The following IL17RD variants were observed in gnomAD, a reference collection of about 807,000 sequenced individuals.
IL17RD encodes the protein interleukin 17 receptor D.
In IL17RD, 52 loss-of-function variants were observed where a neutral mutation model predicts 80.5. The observed-to-expected ratio is 0.65, with a 90% CI of 0.52 to 0.81. IL17RD has a LOEUF of 0.81. Among genes scored for constraint, IL17RD ranks in the 40% least tolerant of loss-of-function variants. The pLI is 0.00. For synonymous variants in IL17RD, 416 were observed against 391.8 expected (o/e 1.06, Z -0.73); for missense variants, 1,024 against 955.1 (o/e 1.07, Z -0.95).
At chr3:57,105,621 T>C (rs548715864) in intron 7 of IL17RD, among the ~76,000 whole-genome samples, 214 of 150,620 alleles carry the variant, frequency 1.4e-3, no homozygotes, top group Middle Eastern at 3.4e-3. Flanking sequence ...GTTTATTCCT[T>C]GGCAATACTG....
At position 57,112,142 on chromosome 3, in the gene IL17RD, T is replaced by C. The variant is rs529249158; in HGVS notation, c.311-1831A>G. Among the ~76,000 whole-genome samples the C allele has an allele frequency of 4.6e-4, 70 of 152,268 alleles. No individual in the cohort carries two copies. In the South Asian group the frequency reaches 7.2e-3, roughly 16 times the overall value. On this transcript the variant is annotated intron_variant, in intron 3 of 12. Transcript: ENST00000296318. Reference sequence around the variant, plus strand: ...GACACATTACAGTACTATTAACACCTTGTAGTTATGTAATGATTAGTAATT... The same window carrying C: ...GACACATTACAGTACTATTAACACCCTGTAGTTATGTAATGATTAGTAATT...
chr3:57,163,962 G>A (rs933413230), intron 1 of IL17RD, among the ~76,000 whole-genome samples: 1 of 152,158 alleles, frequency 6.6e-6, no homozygotes, highest in Non-Finnish European at 1.5e-5. Context: ...CAGCCTGCGT[G>A]CCTAAGGGAG....
chr3:57,104,246 C>T, intron 8 of IL17RD, 96 bp downstream of exon 8: 1 of 832,254 alleles, frequency 1.2e-6, no homozygotes, highest in Middle Eastern at 2.3e-4. Context: ...TGCACACCTT[C>T]AATAGCTTGA....
chr3:57,139,189 C>T (rs755989970), intron 1 of IL17RD, among the ~76,000 whole-genome samples: 1 of 151,880 alleles, frequency 6.6e-6, no homozygotes, highest in Non-Finnish European at 1.5e-5. Context: ...AAAAAAATAA[C>T]AAAAAGCCAG....
chr3:57,127,253 A>AT lies in IL17RD; in HGVS notation c.127-6941_127-6940insA, dbSNP rs1480120455. ...ATAAAAATATATAAATATATATATAAATATATATAAATATATATAAAAATA... is the reference window on the plus strand; with the variant it reads ...ATAAAAATATATAAATATATATATAATATATATATAAATATATATAAAAATA... On this transcript the variant is annotated intron_variant, in intron 1 of 12. Transcript: ENST00000296318. Among the ~76,000 whole-genome samples the AT allele has an allele frequency of 1.7e-3, 168 of 98,578 alleles. 5 individuals carry two copies. The highest frequency in any genetic ancestry group is 7.0e-3 in the African/African-American group (150 of 21,496). 64.7% of individuals were successfully genotyped at this position (98,578 alleles called of 152,430 possible).
rs775701160 is a variant in IL17RD, at chr3:57,105,900, T to C, written c.704A>G (p.Lys235Arg). The C allele has an allele frequency of 6.2e-7, 1 of 1,613,938 alleles. No homozygotes were observed. The highest frequency in any genetic ancestry group is 8.5e-7 in the Non-Finnish European group (1 of 1,179,880). Reference sequence around the variant, plus strand: ...CTTGAAAGGTCCTTCGTGCTTGAGCTTGTAGTGAAGATAGAAGAAACGGAA... The same window carrying C: ...CTTGAAAGGTCCTTCGTGCTTGAGCCTGTAGTGAAGATAGAAGAAACGGAA... ...FGFRFFYLHY[K>R]LKHEGPFKRK... The change falls in exon 7 of 13, where the codon AAG becomes AGG. Residue 235 changes from lysine to arginine, a missense_variant. Lys to Arg is a conservative substitution (Grantham distance 26). Coordinates refer to ENST00000296318, the MANE Select transcript of IL17RD (RefSeq NM_017563.5).
intron 1 of IL17RD, chr3:57,134,783 T>C: frequency 4.6e-6 from 2 of 436,930 alleles, no homozygotes; most frequent in Non-Finnish European, 8.5e-6. Flanking sequence ...ACCACTAAAA[T>C]AAAACAAGCC....
intron 1 of IL17RD, among the ~76,000 whole-genome samples, chr3:57,141,481 T>A (rs1707827617): frequency 2.0e-5 from 3 of 152,180 alleles, no homozygotes; most frequent in African/African-American, 7.2e-5. Context: ...TATTCTTTGT[T>A]CTCTAATGTA....
At chr3:57,124,928 C>A (rs1381999057) in intron 1 of IL17RD, among the ~76,000 whole-genome samples, 1 of 152,192 alleles carries the variant, frequency 6.6e-6, no homozygotes, top group African/African-American at 2.4e-5. Context: ...ATGCACCCAT[C>A]AGAGCTGCCG....
In IL17RD at chr3:57,094,724, G is replaced by A. The variant is rs1462585742; in HGVS notation, c.*1669C>T. 1 of 152,204 alleles carries A rather than the reference G, an allele frequency of 6.6e-6. No individual in the cohort carries two copies. Among genetic ancestry groups the A allele is most frequent in the African/African-American group, 2.4e-5 (1 of 41,436 alleles). 9.4% of individuals were successfully genotyped at this position (152,204 alleles called of 1,614,324 possible). A position where few individuals can be genotyped will look rare whatever the true frequency, so the allele number is the denominator to read the frequency against. On this transcript the variant is annotated 3_prime_UTR_variant, in exon 13 of 13. Transcript: ENST00000296318. The stretch of plus-strand genomic sequence containing the variant: ...GGATGAAATGGCGGGGCAGTCATGT[G>A]TGGGTAGGAGCTCTGCACTCATTCC...
chr3:57,158,250 T>A (rs890972120), intron 1 of IL17RD, among the ~76,000 whole-genome samples: 2 of 152,176 alleles, frequency 1.3e-5, no homozygotes, highest in African/African-American at 4.8e-5. Flanking sequence ...TTAGATCAGG[T>A]ATGGAATGAA....
chr3:57,098,680 G>A (rs961837186), intron 11 of IL17RD, 142 bp from the exon 12 acceptor site: 1 of 640,140 alleles, frequency 1.6e-6, no homozygotes, highest in African/African-American at 1.8e-5. Context: ...GCAGGCTCCA[G>A]GTTACACCAT....
chr3:57,154,260 T>TATATA (rs1312503756), intron 1 of IL17RD, among the ~76,000 whole-genome samples: 28 of 128,592 alleles, frequency 2.2e-4, no homozygotes, highest in African/African-American at 8.3e-4. Flanking sequence ...AAAAAAAAAA[T>TATATA]TATATATATA....
chr3:57,096,614 AT>A, intron 12 of IL17RD, 109 bp from the exon 13 acceptor site: 1 of 781,378 alleles, frequency 1.3e-6, no homozygotes, highest in Non-Finnish European at 2.3e-6. Flanking sequence ...TGGGCTCTGT[AT>A]AAACGAGGCA....
At chr3:57,134,166 G>A (rs766712408) in intron 1 of IL17RD, 7 of 656,188 alleles carry the variant, frequency 1.1e-5, no homozygotes, top group South Asian at 7.2e-5. Context: ...GATGAGGCTC[G>A]CCTTTAGTGT....
chr3:57,121,828 G>C (rs756899841), intron 1 of IL17RD, among the ~76,000 whole-genome samples: 1 of 152,124 alleles, frequency 6.6e-6, no homozygotes, highest in East Asian at 1.9e-4. Flanking sequence ...AATCCCCCAA[G>C]ACCAAAGCCC....
intron 1 of IL17RD, chr3:57,134,565 A>C (rs947924322): frequency 4.7e-5 from 65 of 1,377,414 alleles, no homozygotes; most frequent in Non-Finnish European, 6.5e-5. Flanking sequence ...ACACATCCTC[A>C]AGCTGAAGGC....
intron 1 of IL17RD, among the ~76,000 whole-genome samples, chr3:57,159,540 T>C (rs2060289828): frequency 6.6e-6 from 1 of 152,136 alleles, no homozygotes. Context: ...ATTCAGAACA[T>C]CCAAGCAGCC....
At chr3:57,167,255 G>A (rs2060352384), upstream of IL17RD, among the ~76,000 whole-genome samples, 1 of 152,038 alleles carries the variant, frequency 6.6e-6, no homozygotes, top group Non-Finnish European at 1.5e-5. Flanking sequence ...GACCCAGTGA[G>A]GTTTACCATA....
Sources: gnomAD v4.1 joint callset for allele counts (sites outside exome capture counted in the v4.1 genomes callset) on GRCh38, gnomAD v4.1.1 for gene constraint, MANE v1.5 for transcripts, NCBI Gene and HGNC (gene_info 2026-07-23, HGNC 2026-07-21) for gene names.